RCC2: variants seen among roughly 807,000 people sequenced by gnomAD.
The protein encoded by RCC2 is protein RCC2.
In RCC2, 19 loss-of-function variants were observed where a neutral mutation model predicts 64.1. That is an observed-to-expected ratio of 0.30 (90% CI 0.21 to 0.44). RCC2 has a LOEUF of 0.44. RCC2 is among the 20% of genes least tolerant of loss of function. The pLI, the probability that RCC2 is intolerant of heterozygous loss-of-function variation, is 1.00. For synonymous variants in RCC2, 325 were observed against 279.6 expected, an observed-to-expected ratio of 1.16 and a Z score of -1.62; for missense variants, 508 against 710.4, an observed-to-expected ratio of 0.72 and a Z score of 3.24.
At chr1:17,428,150 G>T (rs2075637494) in intron 3 of RCC2, among the ~76,000 whole-genome samples, 1 of 152,188 alleles carries the variant, frequency 6.6e-6, no homozygotes, top group Non-Finnish European at 1.5e-5. Context: ...ATGTCAACTG[G>T]GCTGCTCAGT....
intron 2 of RCC2, among the ~76,000 whole-genome samples, chr1:17,431,346 A>T (rs1324565199): frequency 1.2e-5 from 1 of 80,950 alleles, no homozygotes; most frequent in African/African-American, 5.2e-5. Flanking sequence ...AAAAAAAAAA[A>T]AAAAAAAAAA....
intron 4 of RCC2, among the ~76,000 whole-genome samples, chr1:17,424,394 G>A (rs1166383311): frequency 6.6e-6 from 1 of 152,202 alleles, no homozygotes; most frequent in Non-Finnish European, 1.5e-5. Flanking sequence ...GGTATTTTAA[G>A]TTTGGAACAC....
chr1:17,417,015 T>A (rs533497307), intron 7 of RCC2, among the ~76,000 whole-genome samples: 48 of 152,180 alleles, frequency 3.2e-4, no homozygotes, highest in Non-Finnish European at 6.2e-4. Context: ...TCAAAAAAGT[T>A]GAAGCTGCTG....
In RCC2 at chr1:17,416,527, C is replaced by T; in HGVS notation, c.979G>A (p.Val327Ile). The change falls in exon 8 of 13, where the codon GTA becomes ATA. Residue 327 changes from valine (V) to isoleucine (I), a missense_variant. By Grantham distance (29) the Val-to-Ile change is conservative (BLOSUM62 3). Transcript: ENST00000375436. Reference sequence around the variant, plus strand: ...ACGTCTCGTACAACCACGTTTGGTACAGGCAGAATCTGTCCATCTTTCGTC... The same window carrying T: ...ACGTCTCGTACAACCACGTTTGGTATAGGCAGAATCTGTCCATCTTTCGTC... The part of the protein sequence containing the change: ...EKTKDGQILP[V>I]PNVVVRDVAC... 1.2e-6 allele frequency: 2 copies of T among 1,613,880 alleles called. No homozygotes were observed. Among genetic ancestry groups the T allele is most frequent in the Non-Finnish European group, 1.7e-6 (2 of 1,180,006 alleles).
chr1:17,421,986 T>C (rs969078497), intron 6 of RCC2, among the ~76,000 whole-genome samples: 3 of 151,798 alleles, frequency 2.0e-5, no homozygotes, highest in Admixed American at 6.6e-5. Flanking sequence ...GATTGCGCCA[T>C]TGCACTCCAG....
At chr1:17,433,555 T>C (rs997585768) in intron 2 of RCC2, among the ~76,000 whole-genome samples, 1 of 152,286 alleles carries the variant, frequency 6.6e-6, no homozygotes, top group African/African-American at 2.4e-5. Flanking sequence ...CGACCCTGCT[T>C]GTGTATAAAG....
At chr1:17,421,804 T>C (rs1429804255) in intron 6 of RCC2, among the ~76,000 whole-genome samples, 1 of 152,114 alleles carries the variant, frequency 6.6e-6, no homozygotes, top group Non-Finnish European at 1.5e-5. Context: ...GGTGGGTGGA[T>C]CACCTGAGGT....
At position 17,438,410 on chromosome 1, in the gene RCC2, CTTCCTGCCCGCCGGGCCGCCGCGT is replaced by C. The variant is rs778418565; in HGVS notation, c.81_104del (p.Gly29_Arg36del). 4.7e-6 allele frequency: 6 copies of C among 1,267,452 alleles called. No individual in the cohort carries two copies. Among genetic ancestry groups the C allele is most frequent in the South Asian group, 2.9e-5 (1 of 34,588 alleles). The allele number at this position is 1,267,452 out of a possible 1,614,324, so 78.5% of individuals were successfully genotyped here. On this transcript the variant is annotated inframe_deletion, in exon 2 of 13. Transcript: ENST00000375436. Reference sequence around the variant, plus strand: ...TACTGCAGCGCTCGGGCCGCTCGCGCTTCCTGCCCGCCGGGCCGCCGCGTTTCCTGGGCCCGGCGCGGGCAGTGC... The same window carrying C: ...TACTGCAGCGCTCGGGCCGCTCGCGCTTCCTGGGCCCGGCGCGGGCAGTGC...
intron 2 of RCC2, among the ~76,000 whole-genome samples, chr1:17,432,175 A>G (rs1166025989): frequency 6.6e-6 from 1 of 152,212 alleles, no homozygotes; most frequent in Non-Finnish European, 1.5e-5. Context: ...TATTTAGAAA[A>G]TGACCTTAAT....
chr1:17,431,359 A>AAAAAATATATAT (rs1553158471), intron 2 of RCC2, among the ~76,000 whole-genome samples: 3 of 44,930 alleles, frequency 6.7e-5, no homozygotes, highest in Admixed American at 3.5e-4. Context: ...AAAAAAAAAA[A>AAAAAATATATAT]ATATATATAT....
rs778745107 is a variant in RCC2, at chr1:17,429,170, C to T, written c.315G>A (p.Gln105=). The change falls in exon 3 of 13, where the codon CAG becomes CAA. Residue 105 remains glutamine, a synonymous_variant. Coordinates refer to ENST00000375436, the MANE Select transcript of RCC2 (RefSeq NM_018715.4). ...AGTTGGTTGCCCCAAAAATCAAAAGCTGCCCTTTGCACTTTGACCCTTCAA... is the reference window on the plus strand; with the variant it reads ...AGTTGGTTGCCCCAAAAATCAAAAGTTGCCCTTTGCACTTTGACCCTTCAA... The part of the protein sequence containing the change: ...VKLEGSKCKG[Q]LLIFGATNWD... The T allele has an allele frequency of 6.2e-7, 1 of 1,614,190 alleles. No individual in the cohort carries two copies. The highest frequency in any genetic ancestry group is 8.5e-7 in the Non-Finnish European group (1 of 1,180,026).
intron 5 of RCC2, among the ~76,000 whole-genome samples, 160 bp from the exon 6 acceptor site, chr1:17,422,451 G>A (rs918102763): frequency 6.6e-6 from 1 of 152,254 alleles, no homozygotes; most frequent in African/African-American, 2.4e-5. Context: ...TCACAGCAAA[G>A]CCATTTCACA....
chr1:17,425,600 G>A lies in RCC2; in HGVS notation c.464C>T (p.Ser155Leu), dbSNP rs1570194468. 3.1e-6 allele frequency: 5 copies of A among 1,614,090 alleles called. No homozygotes were observed. Among genetic ancestry groups the A allele is most frequent in the Non-Finnish European group, 3.4e-6 (4 of 1,180,002 alleles). Residue 155 changes from serine (S) to leucine (L), a missense_variant, in exon 4 of 13, where the codon TCG becomes TTG. Coordinates refer to ENST00000375436, the MANE Select transcript of RCC2 (RefSeq NM_018715.4). ...GAGGCTGTGTGCAGCACACGAGCCC[G>A]AGACCACTGTCCGCACCCGGACCCC... is the stretch of plus-strand genomic sequence containing the variant. Reference protein sequence around the residue: ...LAGVRVRTVVSGSCAAHSLLI... With the variant: ...LAGVRVRTVVLGSCAAHSLLI...
chr1:17,429,026 G>C (rs2075647358), intron 3 of RCC2, 80 bp downstream of exon 3: 1 of 1,086,650 alleles, frequency 9.2e-7, no homozygotes, highest in African/African-American at 1.5e-5. Flanking sequence ...TAAATGAAGG[G>C]AATACCTACC....
chr1:17,412,477 C>T (rs1227739735), intron 10 of RCC2, among the ~76,000 whole-genome samples: 1 of 152,212 alleles, frequency 6.6e-6, no homozygotes, highest in African/African-American at 2.4e-5. Flanking sequence ...AGTGGGAGGT[C>T]GCTTTGGGAA....
rs2075647954 is a variant in RCC2, at chr1:17,429,086, T to C, written c.379+20A>G. ...CACTTAAGAAGCACTCAATGGGTTT[T>C]TGAGGCACCATTCTCATACCTTGCT... On this transcript the variant is annotated intron_variant, in intron 3 of 12. Coordinates refer to ENST00000375436, the MANE Select transcript of RCC2 (RefSeq NM_018715.4). The C allele has an allele frequency of 1.9e-6, 3 of 1,597,114 alleles. No homozygotes were observed. Among genetic ancestry groups the C allele is most frequent in the Admixed American group, 1.7e-5 (1 of 59,978 alleles).
intron 6 of RCC2, 95 bp downstream of exon 6, chr1:17,422,108 G>A: frequency 2.4e-6 from 2 of 829,182 alleles, no homozygotes; most frequent in South Asian, 1.8e-5. Context: ...TTTACAAGGG[G>A]TAAATTAACT....
chr1:17,416,735 G>A, intron 7 of RCC2, 89 bp from the exon 8 acceptor site: 1 of 1,374,032 alleles, frequency 7.3e-7, no homozygotes, highest in Non-Finnish European at 9.8e-7. Context: ...GTGAGCCCCG[G>A]CAGCACCCCA....
intron 2 of RCC2, among the ~76,000 whole-genome samples, chr1:17,431,348 A>C (rs1206229496): frequency 1.2e-5 from 1 of 84,738 alleles, no homozygotes; most frequent in Non-Finnish European, 2.3e-5. Flanking sequence ...AAAAAAAAAA[A>C]AAAAAAAAAA....
Sources: gnomAD v4.1 joint callset for allele counts (sites outside exome capture counted in the v4.1 genomes callset) on GRCh38, gnomAD v4.1.1 for gene constraint, MANE v1.5 for transcripts, NCBI Gene and HGNC (gene_info 2026-07-23, HGNC 2026-07-21) for gene names.